Variants in DST observed in about 807,000 individuals in gnomAD.
The protein encoded by DST is dystonin, also known as bullous pemphigoid antigen.
Under a neutral mutation model 875.2 loss-of-function variants are expected in DST, and 253 were observed. The ratio of observed to expected loss-of-function variants is 0.29; its 90% CI spans 0.26 to 0.32. The LOEUF is 0.32. DST is among the 10% of genes least tolerant of loss of function. The probability of loss-of-function intolerance (pLI) is 1.00; values close to 1 mark genes in which losing one functional copy is unlikely to be tolerated. For synonymous variants in DST, 3,124 were observed against 3,197.1 expected, an observed-to-expected ratio of 0.98 and a Z score of 0.77; for missense variants, 8,287 against 9,111.6, an observed-to-expected ratio of 0.91 and a Z score of 3.68.
rs985349081 is a variant in DST, at chr6:56,603,051, A to G, written c.11158-20T>C. On this transcript the variant is annotated intron_variant, in intron 42 of 103. Transcript: ENST00000680361. The stretch of plus-strand genomic sequence containing the variant: ...TTTAGACTAGAAAAAAAAATTGTGC[A>G]TTCAGTTATCTTTCCCCAAAATGTC... 1 of 1,556,098 alleles carries G rather than the reference A, an allele frequency of 6.4e-7. No individual in the cohort carries two copies. The highest frequency in any genetic ancestry group is 8.6e-7 in the Non-Finnish European group (1 of 1,157,668).
Position 56,640,551 on chromosome 6 carries a change from C to T in DST, c.2082G>A (p.Val694=), listed in dbSNP as rs1554550933. 6 of 1,614,190 alleles carry T rather than the reference C, an allele frequency of 3.7e-6. No homozygotes were observed. The East Asian group carries it at 1.1e-4, about 30-fold the overall frequency. ...IMALRNECSS[V]YSKGRILTTE... The stretch of plus-strand genomic sequence containing the variant: ...TTGTCAGTATGCGTCCTTTGCTGTA[C>T]ACAGAAGAACATTCGTTCCTTAAGG... Residue 694 remains valine (V), a synonymous_variant, in exon 18 of 104, where the codon GTG becomes GTA. Transcript: ENST00000680361.
chr6:56,469,811 T>C, intron 97 of DST, 72 bp downstream of exon 97: 4 of 1,308,822 alleles, frequency 3.1e-6, no homozygotes, highest in Non-Finnish European at 4.4e-6. Context: ...TGGAAAACAA[T>C]GGAGATCAAA....
chr6:56,700,043 C>T (rs1349153399), intron 8 of DST, among the ~76,000 whole-genome samples: 2 of 152,204 alleles, frequency 1.3e-5, no homozygotes, highest in African/African-American at 2.4e-5. Flanking sequence ...AGGTTAGCAG[C>T]GGCCCAGGAA....
At chr6:56,766,384 C>T (rs1342512854) in intron 4 of DST, among the ~76,000 whole-genome samples, 1 of 151,976 alleles carries the variant, frequency 6.6e-6, no homozygotes, top group African/African-American at 2.4e-5. Flanking sequence ...GGCTAGATGC[C>T]GAGATACAAA....
At chr6:56,857,111 A>G (rs1311425484) in intron 3 of DST, among the ~76,000 whole-genome samples, 1 of 151,976 alleles carries the variant, frequency 6.6e-6, no homozygotes, top group African/African-American at 2.4e-5. Context: ...TCCTGGGCTC[A>G]AGAGATCCTC....
rs2099725708 is a variant in DST, at chr6:56,792,034, G to A, written c.626-56745C>T. Among the ~76,000 whole-genome samples, 7 of 152,030 alleles carry A rather than the reference G, an allele frequency of 4.6e-5. No homozygotes were observed. In the South Asian group the frequency reaches 1.4e-3, roughly 31 times the overall value. On this transcript the variant is annotated intron_variant, in intron 4 of 103. Coordinates refer to ENST00000680361, the MANE Select transcript of DST (RefSeq NM_001374736.1). ...CGTTGTGCCAAAAAGCAAAGGAAATGCTTAAAGATTACTGAGAATATGGTA... is the reference window on the plus strand; with the variant it reads ...CGTTGTGCCAAAAAGCAAAGGAAATACTTAAAGATTACTGAGAATATGGTA...
At chr6:56,763,592 A>C (rs1376073598) in intron 4 of DST, among the ~76,000 whole-genome samples, 1 of 151,790 alleles carries the variant, frequency 6.6e-6, no homozygotes, top group Non-Finnish European at 1.5e-5. Flanking sequence ...GAATCACTTG[A>C]ACCTGGGAGG....
intron 75 of DST, among the ~76,000 whole-genome samples, chr6:56,508,281 ACCTCG>A (rs1019227847): frequency 2.0e-5 from 3 of 152,038 alleles, no homozygotes; most frequent in South Asian, 2.1e-4. Flanking sequence ...TGATCCGCCC[ACCTCG>A]GCCTCCCAAA....
At chr6:56,818,291 A>G (rs2099769043) in intron 4 of DST, among the ~76,000 whole-genome samples, 1 of 152,170 alleles carries the variant, frequency 6.6e-6, no homozygotes, top group Admixed American at 6.5e-5. Context: ...CACTGTTATC[A>G]TGAAGGGAAG....
rs577613852 is a variant in DST, at chr6:56,914,742, A to G, written c.217-14121T>C. ...TATTTAACATTCAATGACAAGAAAG[A>G]TCCAGCAACAAAGAGCTTCTAGAGG... is the stretch of plus-strand genomic sequence containing the variant. On this transcript the variant is annotated intron_variant, in intron 2 of 103. Coordinates refer to ENST00000680361, the MANE Select transcript of DST (RefSeq NM_001374736.1). Among the ~76,000 whole-genome samples the G allele has an allele frequency of 3.9e-5, 6 of 152,334 alleles. 1 individual carries two copies. The highest frequency in any genetic ancestry group is 1.4e-4 in the African/African-American group (6 of 41,576).
intron 61 of DST, chr6:56,540,579 A>G (rs1415732819): frequency 6.6e-6 from 1 of 152,626 alleles, no homozygotes; most frequent in Non-Finnish European, 1.5e-5. Context: ...GAATCCTTCA[A>G]GAGTTCCCTA....
chr6:56,720,223 A>G (rs147108000), intron 5 of DST, among the ~76,000 whole-genome samples: 5,866 of 152,274 alleles, frequency 0.039, 157 homozygotes, highest in South Asian at 0.057. Context: ...TGAGAAAAAG[A>G]ATTCAGCGAT....
chr6:56,836,850 C>CAAAAAAAAAAAAAAAAAAAAAA (rs1362120373), intron 4 of DST, among the ~76,000 whole-genome samples: 1 of 74,462 alleles, frequency 1.3e-5, no homozygotes, highest in Non-Finnish European at 2.6e-5. Context: ...GACTCCATCT[C>CAAAAAAAAAAAAAAAAAAAAAA]AAAAAAAAAA....
chr6:56,520,818 A>G (rs982269347), intron 69 of DST, among the ~76,000 whole-genome samples: 1 of 152,080 alleles, frequency 6.6e-6, no homozygotes, highest in African/African-American at 2.4e-5. Context: ...TCTCTTCGAT[A>G]TAATACTGCC....
At chr6:56,945,052 G>C (rs1388040106) in intron 2 of DST, among the ~76,000 whole-genome samples, 1 of 152,194 alleles carries the variant, frequency 6.6e-6, no homozygotes, top group African/African-American at 2.4e-5. Flanking sequence ...TGACATGGTA[G>C]AACTGCTCAA....
Position 56,596,048 on chromosome 6 carries a change from G to T in DST, c.12195+1692C>A, listed in dbSNP as rs953521722. 2.7e-5 allele frequency among the ~76,000 whole-genome samples: 3 copies of T among 109,326 alleles called. No homozygotes were observed. The Admixed American group carries it at 3.1e-4, about 11-fold the overall frequency. 71.7% of individuals were successfully genotyped at this position (109,326 alleles called of 152,430 possible). A position where few individuals can be genotyped will look rare whatever the true frequency, so the allele number is the denominator to read the frequency against. Reference sequence around the variant, plus strand: ...ACTTATTTATTTATTTATTTATTTTGAGATGGAGTCTCGCTCTGTCGCCAG... The same window carrying T: ...ACTTATTTATTTATTTATTTATTTTTAGATGGAGTCTCGCTCTGTCGCCAG... On this transcript the variant is annotated intron_variant, in intron 47 of 103. Coordinates refer to ENST00000680361, the MANE Select transcript of DST (RefSeq NM_001374736.1).
chr6:56,722,368 GTTTAT>G (rs2099421772), intron 5 of DST, among the ~76,000 whole-genome samples: 2 of 150,596 alleles, frequency 1.3e-5, no homozygotes, highest in African/African-American at 4.9e-5. Flanking sequence ...GTACATGTTT[GTTTAT>G]TTATTTATTT....
chr6:56,873,654 T>G (rs1778358666), intron 3 of DST, among the ~76,000 whole-genome samples: 1 of 152,140 alleles, frequency 6.6e-6, no homozygotes, highest in African/African-American at 2.4e-5. Context: ...ATGTTGGAGT[T>G]AAAATAGTGG....
At chr6:56,738,680 G>A (rs1019714914) in intron 4 of DST, among the ~76,000 whole-genome samples, 2 of 151,632 alleles carry the variant, frequency 1.3e-5, no homozygotes, top group Admixed American at 6.6e-5. Context: ...GGACTACAGT[G>A]GCACAATCTT....
Sources: allele counts gnomAD v4.1 joint callset (sites outside exome capture counted in the v4.1 genomes callset), GRCh38; gene constraint gnomAD v4.1.1; transcripts MANE v1.5; gene names NCBI Gene and HGNC (gene_info 2026-07-23, HGNC 2026-07-21).